Variants in ZEB1 observed in about 807,000 individuals in gnomAD.
ZEB1 encodes the protein zinc finger E-box-binding homeobox 1.
Under a neutral mutation model 84.9 loss-of-function variants are expected in ZEB1, and 21 were observed. That is an observed-to-expected ratio of 0.25 (90% CI 0.18 to 0.36). ZEB1 has a LOEUF of 0.36. ZEB1 is among the 10% of genes least tolerant of loss of function. The pLI is 1.00. For synonymous variants in ZEB1, 420 were observed against 471.1 expected (o/e 0.89, Z 1.41); for missense variants, 1,104 against 1,330.2 (o/e 0.83, Z 2.65).
At chr10:31,466,508 C>A (rs1591568347) in intron 2 of ZEB1, among the ~76,000 whole-genome samples, 1 of 152,034 alleles carries the variant, frequency 6.6e-6, no homozygotes, top group East Asian at 1.9e-4. Flanking sequence ...CACTCCTGAA[C>A]AACCAAAGGT....
chr10:31,407,506 T>G (rs1187228574), intron 1 of ZEB1, among the ~76,000 whole-genome samples: 1 of 151,972 alleles, frequency 6.6e-6, no homozygotes, highest in Non-Finnish European at 1.5e-5. Context: ...TGTAGGACAT[T>G]TGGGTTGGTT....
chr10:31,347,345 A>G (rs1247781618), intron 1 of ZEB1, among the ~76,000 whole-genome samples: 1 of 152,074 alleles, frequency 6.6e-6, no homozygotes, highest in Non-Finnish European at 1.5e-5. Context: ...TATTTTATTG[A>G]AAACATTTGT....
chr10:31,406,173 A>C (rs527481896), intron 1 of ZEB1, among the ~76,000 whole-genome samples: 1 of 152,096 alleles, frequency 6.6e-6, no homozygotes, highest in Non-Finnish European at 1.5e-5. Flanking sequence ...GTGTCTTTAT[A>C]AGTAGAATGA....
At chr10:31,513,739 G>A (rs1468562860) in intron 5 of ZEB1, among the ~76,000 whole-genome samples, 2 of 152,144 alleles carry the variant, frequency 1.3e-5, no homozygotes, top group African/African-American at 4.8e-5. Flanking sequence ...GTAAACCAAA[G>A]CCAAAAGATA....
chr10:31,508,286 G>A (rs1565160073), intron 4 of ZEB1, among the ~76,000 whole-genome samples: 1 of 152,156 alleles, frequency 6.6e-6, no homozygotes, highest in Admixed American at 6.5e-5. Flanking sequence ...GCTTGCTTGG[G>A]TGCTGGTAGT....
At chr10:31,466,117 A>G (rs1356616761) in intron 2 of ZEB1, among the ~76,000 whole-genome samples, 1 of 152,244 alleles carries the variant, frequency 6.6e-6, no homozygotes, top group Admixed American at 6.5e-5. Flanking sequence ...TTTGGAGCAC[A>G]TAAATATGTA....
intron 1 of ZEB1, among the ~76,000 whole-genome samples, chr10:31,397,159 T>TTTATTATTATTA (rs200770494): frequency 7.8e-5 from 10 of 128,360 alleles, no homozygotes; most frequent in East Asian, 2.2e-4. Flanking sequence ...TCTTGGGTTT[T>TTTATTATTATTA]TTATTATTAT....
At chr10:31,359,263 A>G (rs866885246) in intron 1 of ZEB1, among the ~76,000 whole-genome samples, 1 of 152,094 alleles carries the variant, frequency 6.6e-6, no homozygotes, top group South Asian at 2.1e-4. Context: ...TAAAGACCCT[A>G]TGTTAATTTA....
chr10:31,319,004 A>C, upstream of ZEB1: 1 of 558,762 alleles, frequency 1.8e-6, no homozygotes, highest in Non-Finnish European at 3.3e-6. Context: ...CTCGCCCCTC[A>C]ATTCAAATTC....
intron 2 of ZEB1, among the ~76,000 whole-genome samples, chr10:31,474,314 G>A (rs1043933821): frequency 3.1e-4 from 47 of 151,562 alleles, no homozygotes; most frequent in Admixed American, 2.0e-4. Context: ...CTACTCATCT[G>A]ACAAAGGGCT....
At position 31,461,053 on chromosome 10, in the gene ZEB1, T is replaced by C; in HGVS notation, c.75T>C (p.Thr25=). The C allele has an allele frequency of 6.2e-7, 1 of 1,612,904 alleles. No individual in the cohort carries two copies. Among genetic ancestry groups the C allele is most frequent in the Non-Finnish European group, 8.5e-7 (1 of 1,179,186 alleles). ...PRRNNVTNYN[T]VVETNSDSDD... is the part of the protein sequence containing the mutation. ...GTATTACAGTTACAAATTATAATAC[T>C]GTGGTAGAAACAAATTCAGATTCAG... Residue 25 remains threonine (T), a synonymous_variant, in exon 2 of 9, where the codon ACT becomes ACC. Coordinates refer to ENST00000424869, the MANE Select transcript of ZEB1 (RefSeq NM_001174096.2).
At chr10:31,409,099 A>C (rs1488745071) in intron 1 of ZEB1, among the ~76,000 whole-genome samples, 1 of 152,250 alleles carries the variant, frequency 6.6e-6, no homozygotes, top group African/African-American at 2.4e-5. Flanking sequence ...ATGAACAGAC[A>C]CTTCTCAAAA....
At chr10:31,369,255 C>G (rs566605801) in intron 1 of ZEB1, among the ~76,000 whole-genome samples, 2 of 152,226 alleles carry the variant, frequency 1.3e-5, no homozygotes, top group Admixed American at 1.3e-4. Flanking sequence ...TTTTGAAATA[C>G]TTAAAACGTT....
Position 31,472,712 on chromosome 10 carries a change from G to T in ZEB1, c.259+11475G>T, listed in dbSNP as rs1383590850. ...AATCCTCCCTAACTCATTTTATGAG[G>T]CCAGCATCATTCTGATACCAAAGCC... On this transcript the variant is annotated intron_variant, in intron 2 of 8. Coordinates refer to ENST00000424869, the MANE Select transcript of ZEB1 (RefSeq NM_001174096.2). Among the ~76,000 whole-genome samples the T allele has an allele frequency of 2.9e-5, 4 of 135,906 alleles. No homozygotes were observed. In the East Asian group the frequency reaches 6.2e-4, roughly 21 times the overall value. 89.2% of individuals were successfully genotyped at this position (135,906 alleles called of 152,430 possible).
intron 1 of ZEB1, among the ~76,000 whole-genome samples, chr10:31,391,507 C>A (rs1199540948): frequency 6.6e-6 from 1 of 151,900 alleles, no homozygotes; most frequent in Non-Finnish European, 1.5e-5. Flanking sequence ...CTAGAAATAT[C>A]CTGGGTTTAT....
chr10:31,351,626 A>G (rs1241934036), intron 1 of ZEB1, among the ~76,000 whole-genome samples: 1 of 152,112 alleles, frequency 6.6e-6, no homozygotes, highest in Non-Finnish European at 1.5e-5. Context: ...TTGTCTTTCT[A>G]GCACAATAAT....
At chr10:31,440,134 G>C (rs937657762) in intron 1 of ZEB1, among the ~76,000 whole-genome samples, 1 of 152,112 alleles carries the variant, frequency 6.6e-6, no homozygotes, top group Non-Finnish European at 1.5e-5. Flanking sequence ...CATGGGATAT[G>C]AGAGAAAAAG....
intron 2 of ZEB1, among the ~76,000 whole-genome samples, chr10:31,483,456 A>G (rs1019769182): frequency 3.3e-5 from 5 of 152,022 alleles, no homozygotes; most frequent in African/African-American, 1.2e-4. Context: ...AAATACATAT[A>G]CATTAAATAT....
chr10:31,378,634 CTTTT>C (rs895722749), intron 1 of ZEB1, among the ~76,000 whole-genome samples: 14 of 151,492 alleles, frequency 9.2e-5, no homozygotes, highest in Admixed American at 8.6e-4. Context: ...TAAAGAAAAA[CTTTT>C]TTTTCTTGGG....
Sources: gnomAD v4.1 joint callset for allele counts (sites outside exome capture counted in the v4.1 genomes callset) on GRCh38, gnomAD v4.1.1 for gene constraint, MANE v1.5 for transcripts, NCBI Gene and HGNC (gene_info 2026-07-23, HGNC 2026-07-21) for gene names.